ARB2A: variants seen among roughly 807,000 people sequenced by gnomAD.
ARB2A encodes the protein cotranscriptional regulator ARB2A.
At chr5:93,681,272 C>A in the ARB2A span, among the ~76,000 whole-genome samples, 2 of 152,316 alleles carry the variant, frequency 1.3e-5, no homozygotes, top group Admixed American at 1.3e-4. Context: ...CCTACACATG[C>A]ACTGGCAAGA....
the ARB2A span, among the ~76,000 whole-genome samples, chr5:94,004,998 C>CAAAAAAAAAAAAAAAA: frequency 1.2e-3 from 15 of 12,534 alleles, 2 homozygotes; most frequent in Non-Finnish European, 1.8e-3. Flanking sequence ...ATTTTATCAG[C>CAAAAAAAAAAAAAAAA]AAAAAAAAAA....
the ARB2A span, among the ~76,000 whole-genome samples, chr5:93,630,627 G>A: frequency 9.2e-5 from 14 of 152,216 alleles, no homozygotes; most frequent in Admixed American, 2.0e-4. Context: ...TAGTGGGGGC[G>A]CAGTGGAACT....
chr5:94,100,695 C>T, the ARB2A span, among the ~76,000 whole-genome samples: 2 of 152,126 alleles, frequency 1.3e-5, no homozygotes, highest in Non-Finnish European at 2.9e-5. Flanking sequence ...GGAAAAGACT[C>T]CCTATTCAAA....
chr5:94,079,185 T>A, the ARB2A span, among the ~76,000 whole-genome samples: 1 of 152,246 alleles, frequency 6.6e-6, no homozygotes, highest in African/African-American at 2.4e-5. Context: ...TAAGTTATAC[T>A]TACATTCATT....
At chr5:93,746,317 A>G in the ARB2A span, among the ~76,000 whole-genome samples, 1 of 152,234 alleles carries the variant, frequency 6.6e-6, no homozygotes, top group Non-Finnish European at 1.5e-5. Context: ...AATTTTCATA[A>G]TAGATAATAG....
At chr5:94,098,208 C>T in the ARB2A span, among the ~76,000 whole-genome samples, 4 of 152,086 alleles carry the variant, frequency 2.6e-5, no homozygotes, top group African/African-American at 7.2e-5. Context: ...ACAGCAACAA[C>T]AAAGATTAAA....
chr5:93,642,164 G>A, the ARB2A span, among the ~76,000 whole-genome samples: 453 of 150,620 alleles, frequency 3.0e-3, 1 homozygote, highest in African/African-American at 9.6e-3. Context: ...AAATATTTTT[G>A]TAGAGACAGA....
the ARB2A span, among the ~76,000 whole-genome samples, chr5:94,060,211 G>T: frequency 1.3e-5 from 2 of 152,076 alleles, no homozygotes; most frequent in Non-Finnish European, 2.9e-5. Context: ...AAATAGTCAT[G>T]TGTGGTGGTG....
At chr5:93,834,218 C>T in the ARB2A span, among the ~76,000 whole-genome samples, 6 of 152,202 alleles carry the variant, frequency 3.9e-5, no homozygotes, top group Admixed American at 6.5e-5. Context: ...ACTGAAGAAA[C>T]GGGAAAACCA....
At chr5:93,824,758 T>C in the ARB2A span, among the ~76,000 whole-genome samples, 2 of 152,232 alleles carry the variant, frequency 1.3e-5, no homozygotes, top group East Asian at 1.9e-4. Context: ...ATTACCCTTG[T>C]TTGATGAGAG....
chr5:93,767,270 CAT>C, the ARB2A span, among the ~76,000 whole-genome samples: 1 of 152,126 alleles, frequency 6.6e-6, no homozygotes, highest in Non-Finnish European at 1.5e-5. Context: ...GGCCAACAAA[CAT>C]ATGAGAAAAT....
chr5:93,836,173 G>GC, the ARB2A span, among the ~76,000 whole-genome samples: 1 of 151,992 alleles, frequency 6.6e-6, no homozygotes, highest in African/African-American at 2.4e-5. Flanking sequence ...GACCACAGGC[G>GC]CCCCCCACCA....
chr5:93,923,369 G>A, the ARB2A span, among the ~76,000 whole-genome samples: 1 of 150,886 alleles, frequency 6.6e-6, no homozygotes. Context: ...CAGAGCAGTT[G>A]AATATCTGCA....
chr5:93,766,448 T>A, the ARB2A span, among the ~76,000 whole-genome samples: 1 of 152,180 alleles, frequency 6.6e-6, no homozygotes, highest in Non-Finnish European at 1.5e-5. Context: ...ATGCTCATCA[T>A]CACTGGCCAT....
chr5:94,049,603 C>T, the ARB2A span, among the ~76,000 whole-genome samples: 1 of 149,886 alleles, frequency 6.7e-6, no homozygotes, highest in African/African-American at 2.5e-5. Context: ...TTAGGTGAAA[C>T]CCCATCTCTA....
chr5:93,632,339 C>T, the ARB2A span, among the ~76,000 whole-genome samples: 1 of 152,084 alleles, frequency 6.6e-6, no homozygotes, highest in Admixed American at 6.5e-5. Flanking sequence ...GGGCAGAGTG[C>T]TTTAGGCAGA....
chr5:93,792,630 T>A, the ARB2A span, among the ~76,000 whole-genome samples: 2 of 139,228 alleles, frequency 1.4e-5, no homozygotes, highest in African/African-American at 5.4e-5. Context: ...ATGTTCTCAC[T>A]CATAGATGGG....
the ARB2A span, among the ~76,000 whole-genome samples, chr5:93,648,145 CA>C: frequency 0.27 from 22,897 of 83,398 alleles, 1,595 homozygotes; most frequent in Middle Eastern, 0.39. Flanking sequence ...GAACCTGTCT[CA>C]AAAAAAAAAA....
At chr5:93,812,328 G>A in the ARB2A span, among the ~76,000 whole-genome samples, 1 of 151,994 alleles carries the variant, frequency 6.6e-6, no homozygotes, top group Non-Finnish European at 1.5e-5. Context: ...GTAACACAAT[G>A]GTAATATATA....
Sources: allele counts gnomAD v4.1 joint callset (sites outside exome capture counted in the v4.1 genomes callset), GRCh38; gene constraint gnomAD v4.1.1; transcripts MANE v1.5; gene names NCBI Gene and HGNC (gene_info 2026-07-23, HGNC 2026-07-21).